TRIM63: variants seen among roughly 807,000 people sequenced by gnomAD.
TRIM63 encodes the protein E3 ubiquitin-protein ligase TRIM63.
TRIM63 carries 48 observed loss-of-function variants against 46.0 expected under a neutral mutation model. The ratio of observed to expected loss-of-function variants is 1.04; its 90% CI spans 0.83 to 1.33. The LOEUF (loss-of-function observed/expected upper bound fraction) is 1.33. Among genes scored for constraint, TRIM63 ranks in the 40% most tolerant of loss-of-function variants. The pLI is 0.00. For synonymous variants in TRIM63, 175 were observed against 162.8 expected (o/e 1.08, Z -0.57); for missense variants, 455 against 441.2 (o/e 1.03, Z -0.28).
In TRIM63 at chr1:26,061,297, C is replaced by G. The variant is rs780557844; in HGVS notation, c.370G>C (p.Glu124Gln). ...LQKGSHPMCK[E>Q]HEDEKINIYC... Reference sequence around the variant, plus strand: ...ATGTTGATTTTCTCATCTTCGTGCTCCTTGCACATGGGGTGACTGCCCTTC... The same window carrying G: ...ATGTTGATTTTCTCATCTTCGTGCTGCTTGCACATGGGGTGACTGCCCTTC... Residue 124 changes from glutamate to glutamine, a missense_variant, in exon 3 of 9, where the codon GAG (glutamate) becomes CAG (glutamine). Glu to Gln is a conservative substitution (Grantham distance 29). Coordinates refer to ENST00000374272, the MANE Select transcript of TRIM63 (RefSeq NM_032588.4). 1.4e-5 allele frequency: 23 copies of G among 1,614,078 alleles called. No homozygotes were observed. In the South Asian group the frequency reaches 2.5e-4, roughly 18 times the overall value.
intron 2 of TRIM63, 24 bp from the exon 3 acceptor site, chr1:26,061,358 TCATGGGGGTCCTGTGTCCCTG>T: frequency 6.2e-7 from 1 of 1,609,664 alleles, no homozygotes; most frequent in South Asian, 1.1e-5. Flanking sequence ...CAGTCACAAG[TCATGGGGGTCCTGTGTCCCTG>T]CATCCCCCTC....
intron 8 of TRIM63, 62 bp from the exon 9 acceptor site, chr1:26,051,945 CT>C: frequency 7.9e-7 from 1 of 1,258,696 alleles, no homozygotes; most frequent in Non-Finnish European, 1.0e-6. Context: ...GGATCCAAGG[CT>C]TACCAAGCTA....
chr1:26,061,133 C>A lies in TRIM63; in HGVS notation c.501+33G>T, dbSNP rs1175729922. The A allele has an allele frequency of 1.9e-6, 3 of 1,605,676 alleles. No homozygotes were observed. In the South Asian group the frequency reaches 3.3e-5, roughly 18 times the overall value. ...ATCATCAGGCCGTGCCCAGCAGGCC[C>A]AGGCTGGGGGTAAAAGTGGCTGGAG... On this transcript the variant is annotated intron_variant, in intron 3 of 8. Coordinates refer to ENST00000374272, the MANE Select transcript of TRIM63 (RefSeq NM_032588.4).
At chr1:26,052,260 C>A (rs1252112829) in intron 8 of TRIM63, among the ~76,000 whole-genome samples, 1 of 152,194 alleles carries the variant, frequency 6.6e-6, no homozygotes, top group Non-Finnish European at 1.5e-5. Flanking sequence ...TACTGTTAGA[C>A]CCCCATACAC....
chr1:26,067,158 C>T (rs1047124772), intron 1 of TRIM63, among the ~76,000 whole-genome samples, 178 bp downstream of exon 1: 1 of 151,812 alleles, frequency 6.6e-6, no homozygotes, highest in African/African-American at 2.4e-5. Flanking sequence ...GGAGAAGAAC[C>T]GCAGCAGCCA....
At chr1:26,058,927 C>T (rs577478942) in intron 4 of TRIM63, among the ~76,000 whole-genome samples, 1 of 152,164 alleles carries the variant, frequency 6.6e-6, no homozygotes. Flanking sequence ...GCACCCTCCC[C>T]CTGTCCCCCA....
chr1:26,057,401 T>C, intron 6 of TRIM63, 74 bp from the exon 7 acceptor site: 3 of 1,571,040 alleles, frequency 1.9e-6, no homozygotes, highest in Non-Finnish European at 1.7e-6. Context: ...GCACATGCTT[T>C]GCCACGCCCA....
chr1:26,059,512 A>G (rs1031687533), intron 4 of TRIM63, among the ~76,000 whole-genome samples: 2 of 152,074 alleles, frequency 1.3e-5, no homozygotes, highest in African/African-American at 2.4e-5. Context: ...CACCCTCCTC[A>G]ACCGAAGCTC....
At chr1:26,062,461 C>T (rs1339974245) in intron 2 of TRIM63, among the ~76,000 whole-genome samples, 3 of 152,134 alleles carry the variant, frequency 2.0e-5, no homozygotes, top group East Asian at 3.9e-4. Context: ...AGCTGTATGG[C>T]CTTGGATAAA....
intron 6 of TRIM63, 143 bp from the exon 7 acceptor site, chr1:26,057,470 A>G: frequency 7.1e-7 from 1 of 1,401,864 alleles, no homozygotes. Flanking sequence ...AACCTCAAGC[A>G]CAAGGAGTGG....
intron 4 of TRIM63, among the ~76,000 whole-genome samples, chr1:26,059,023 CT>C (rs986591996): frequency 9.0e-4 from 105 of 116,926 alleles, no homozygotes; most frequent in Middle Eastern, 4.9e-3. Flanking sequence ...CTCTGTTGCC[CT>C]TTTTTTTTTT....
At chr1:26,058,686 C>T in intron 4 of TRIM63, 63 bp from the exon 5 acceptor site, 1 of 1,318,496 alleles carries the variant, frequency 7.6e-7, no homozygotes, top group Non-Finnish European at 1.1e-6. Context: ...ACTACACTGC[C>T]TTCCTAGGAC....
chr1:26,060,163 C>T (rs555999795), intron 4 of TRIM63, 103 bp downstream of exon 4: 40 of 974,654 alleles, frequency 4.1e-5, no homozygotes, highest in East Asian at 2.7e-4. Flanking sequence ...CCCCAGGCTC[C>T]GGGCCCCAAC....
chr1:26,066,170 G>GTGTAGCTA, intron 2 of TRIM63, 98 bp downstream of exon 2: 1 of 1,386,104 alleles, frequency 7.2e-7, no homozygotes, highest in Admixed American at 1.7e-5. Flanking sequence ...CTAGAGGCCT[G>GTGTAGCTA]GATCCTGAGC....
At chr1:26,065,212 C>T (rs928971311) in intron 2 of TRIM63, among the ~76,000 whole-genome samples, 9 of 151,982 alleles carry the variant, frequency 5.9e-5, no homozygotes, top group South Asian at 2.1e-4. Context: ...TTAGTAGAGA[C>T]GGGGTTTCAC....
intron 7 of TRIM63, among the ~76,000 whole-genome samples, chr1:26,054,861 G>T (rs1165019933): frequency 6.6e-6 from 1 of 151,922 alleles, no homozygotes; most frequent in Non-Finnish European, 1.5e-5. Flanking sequence ...CCAGCTACTT[G>T]GGAGGCTGAG....
chr1:26,052,011 C>T (rs1425103349), intron 8 of TRIM63, 128 bp from the exon 9 acceptor site: 1 of 788,900 alleles, frequency 1.3e-6, no homozygotes, highest in Non-Finnish European at 1.8e-6. Context: ...TCCTCCCGGT[C>T]TCTTCCTTTT....
At position 26,053,757 on chromosome 1, in the gene TRIM63, G is replaced by C. The variant is rs148061115; in HGVS notation, c.1051+136C>G. The C allele has an allele frequency of 2.1e-3, 1,378 of 643,932 alleles. 12 individuals are homozygous for C. In the African/African-American group the frequency reaches 0.023, roughly 11 times the overall value. 39.9% of individuals were successfully genotyped at this position (643,932 alleles called of 1,614,324 possible). ...AGAGAACAGGACTTTACCCTCAGTA[G>C]GGTTAAAGCACGTGCTGGGGACAGT... is the stretch of plus-strand genomic sequence containing the variant. On this transcript the variant is annotated intron_variant, in intron 8 of 8. Coordinates refer to ENST00000374272, the MANE Select transcript of TRIM63 (RefSeq NM_032588.4).
At position 26,061,298 on chromosome 1, in the gene TRIM63, C is replaced by T. The variant is rs1336004252; in HGVS notation, c.369G>A (p.Lys123=). The T allele has an allele frequency of 1.2e-6, 2 of 1,614,184 alleles. No homozygotes were observed. Among genetic ancestry groups the T allele is most frequent in the Non-Finnish European group, 1.7e-6 (2 of 1,180,016 alleles). ...PLQKGSHPMC[K]EHEDEKINIY... Reference sequence around the variant, plus strand: ...TGTTGATTTTCTCATCTTCGTGCTCCTTGCACATGGGGTGACTGCCCTTCT... The same window carrying T: ...TGTTGATTTTCTCATCTTCGTGCTCTTTGCACATGGGGTGACTGCCCTTCT... Residue 123 remains lysine, a synonymous_variant, in exon 3 of 9, where the codon AAG becomes AAA. Transcript: ENST00000374272.
Sources: gnomAD v4.1 joint callset for allele counts (sites outside exome capture counted in the v4.1 genomes callset) on GRCh38, gnomAD v4.1.1 for gene constraint, MANE v1.5 for transcripts, NCBI Gene and HGNC (gene_info 2026-07-23, HGNC 2026-07-21) for gene names.